GRIK4: variants seen among roughly 807,000 people sequenced by gnomAD.
GRIK4 encodes the protein glutamate ionotropic receptor kainate type subunit 4, also known as glutamate receptor ionotropic, kainate 4.
In GRIK4, 40 loss-of-function variants were observed where a neutral mutation model predicts 104.9. That is an observed-to-expected ratio of 0.38 (90% CI 0.30 to 0.50). The LOEUF (loss-of-function observed/expected upper bound fraction) is 0.50. GRIK4 is among the 20% of genes least tolerant of loss of function. GRIK4 has a pLI of 0.93. For missense variants in GRIK4, 1,047 were observed against 1,308.1 expected, an observed-to-expected ratio of 0.80 and a Z score of 3.08; for synonymous variants, 485 against 524.9, an observed-to-expected ratio of 0.92 and a Z score of 1.04.
rs76880801 is a variant in GRIK4 at position 120,758,406 on chromosome 11, G to A, written c.83-44287G>A. 8.6e-3 allele frequency among the ~76,000 whole-genome samples: 1,305 copies of A among 152,096 alleles called. 23 individuals carry two copies. The highest frequency in any genetic ancestry group is 0.029 in the African/African-American group (1,223 of 41,466). On this transcript the variant is annotated intron_variant, in intron 3 of 20. Coordinates refer to ENST00000527524, the MANE Select transcript of GRIK4 (RefSeq NM_014619.5). ...TCTTTTTTTCCAGCTCTAGAGTCTC[G>A]TAAGATGCTACTTGGTTTAGAGAAA...
intron 8 of GRIK4, among the ~76,000 whole-genome samples, chr11:120,853,944 G>T (rs1029477262): frequency 3.9e-5 from 6 of 152,278 alleles, no homozygotes; most frequent in African/African-American, 1.4e-4. Context: ...CCAAGGACCT[G>T]GATCTTAATT....
intron 3 of GRIK4, among the ~76,000 whole-genome samples, chr11:120,689,387 T>C (rs1950322095): frequency 6.6e-6 from 1 of 152,086 alleles, no homozygotes; most frequent in South Asian, 2.1e-4. Flanking sequence ...AGGAATTTCT[T>C]AGGGTTTCTC....
intron 1 of GRIK4, among the ~76,000 whole-genome samples, chr11:120,617,572 G>C (rs1170211662): frequency 4.6e-5 from 7 of 152,088 alleles, no homozygotes; most frequent in Non-Finnish European, 1.0e-4. Flanking sequence ...TACAGACAGT[G>C]ATATCATTTG....
chr11:120,703,522 C>T (rs1950584615), intron 3 of GRIK4, among the ~76,000 whole-genome samples: 1 of 151,856 alleles, frequency 6.6e-6, no homozygotes, highest in Non-Finnish European at 1.5e-5. Flanking sequence ...CAGCCCAACC[C>T]AGGCTGTAAG....
intron 14 of GRIK4, among the ~76,000 whole-genome samples, chr11:120,947,796 TC>T (rs1464397721): frequency 6.6e-6 from 1 of 152,144 alleles, no homozygotes; most frequent in African/African-American, 2.4e-5. Context: ...GGTGCTCCTT[TC>T]TATGGGGGAA....
At chr11:120,611,293 T>G (rs933715227) in intron 1 of GRIK4, among the ~76,000 whole-genome samples, 2 of 152,188 alleles carry the variant, frequency 1.3e-5, no homozygotes, top group East Asian at 3.8e-4. Flanking sequence ...TGTGAGAAAG[T>G]GGTTTCATCT....
At chr11:120,511,940 C>A in intron 1 of GRIK4, 53 bp downstream of exon 1, 1 of 153,798 alleles carries the variant, frequency 6.5e-6, no homozygotes, top group South Asian at 1.8e-4. Context: ...GCGCTGCCCC[C>A]GCGCCCCCGA....
At chr11:120,603,728 C>G (rs1429655545) in intron 1 of GRIK4, among the ~76,000 whole-genome samples, 2 of 152,130 alleles carry the variant, frequency 1.3e-5, no homozygotes, top group Non-Finnish European at 2.9e-5. Flanking sequence ...GGCTTAACTC[C>G]TTGGTTTTCA....
intron 1 of GRIK4, among the ~76,000 whole-genome samples, chr11:120,633,124 A>G (rs2135186156): frequency 6.6e-6 from 1 of 152,236 alleles, no homozygotes; most frequent in Middle Eastern, 3.4e-3. Flanking sequence ...CGCCATGCAG[A>G]AGAGTAGAGT....
intron 3 of GRIK4, among the ~76,000 whole-genome samples, chr11:120,759,629 G>T (rs1185466928): frequency 6.6e-6 from 1 of 152,028 alleles, no homozygotes; most frequent in Non-Finnish European, 1.5e-5. Context: ...ATGGGGGAAT[G>T]CCTGGCTCTG....
At chr11:120,786,376 C>T (rs535729966) in intron 3 of GRIK4, among the ~76,000 whole-genome samples, 3 of 152,378 alleles carry the variant, frequency 2.0e-5, no homozygotes, top group South Asian at 4.1e-4. Flanking sequence ...CTGGTATCCA[C>T]ATATTCCACA....
Position 120,905,532 on chromosome 11 carries a change from TGGGA to T in GRIK4, c.1476+44_1476+47del. ...AAGTGATCTGGGCCTGAGGGTGGGC[TGGGA>T]GGGATTGGAAGAGCATGAGGTTGTG... On this transcript the variant is annotated intron_variant, in intron 13 of 20. Transcript: ENST00000527524. This position sits in a 1 kb window ranked among gnomAD's most constrained non-coding sequence, Gnocchi z 5.1. 1 of 408,180 alleles carries T rather than the reference TGGGA, an allele frequency of 2.4e-6. No homozygotes were observed. The highest frequency in any genetic ancestry group is 4.9e-6 in the Non-Finnish European group (1 of 202,796). 25.3% of individuals were successfully genotyped at this position (408,180 alleles called of 1,614,324 possible). A position where few individuals can be genotyped will look rare whatever the true frequency, so the allele number is the denominator to read the frequency against.
chr11:120,935,505 G>A (rs1483442855), intron 13 of GRIK4, among the ~76,000 whole-genome samples: 5 of 152,204 alleles, frequency 3.3e-5, no homozygotes, highest in South Asian at 2.1e-4. Context: ...AGCCAAGATC[G>A]CACCACTGCA....
At chr11:120,604,909 C>A (rs1039238245) in intron 1 of GRIK4, among the ~76,000 whole-genome samples, 8 of 152,166 alleles carry the variant, frequency 5.3e-5, no homozygotes, top group Non-Finnish European at 1.0e-4. Context: ...GTTGCCCAGG[C>A]CAGAGTGCAG....
chr11:120,700,506 T>C (rs1442180899), intron 3 of GRIK4, among the ~76,000 whole-genome samples: 1 of 152,072 alleles, frequency 6.6e-6, no homozygotes, highest in African/African-American at 2.4e-5. Flanking sequence ...TTGCCCAGGC[T>C]GGGGTGCAGT....
chr11:120,871,443 AAG>A, intron 9 of GRIK4: 1 of 366,694 alleles, frequency 2.7e-6, no homozygotes, highest in Non-Finnish European at 5.4e-6. Context: ...GGAAGCAGAG[AAG>A]AGAGAGTAGA....
At chr11:120,898,473 G>A (rs1942644001) in intron 11 of GRIK4, 59 bp from the exon 12 acceptor site, 1 of 960,582 alleles carries the variant, frequency 1.0e-6, no homozygotes, top group African/African-American at 1.6e-5. Context: ...CAGCCTCTTG[G>A]CTCCTTCCAG....
At chr11:120,808,560 C>T (rs1479964810) in intron 4 of GRIK4, among the ~76,000 whole-genome samples, 2 of 152,136 alleles carry the variant, frequency 1.3e-5, no homozygotes, top group African/African-American at 2.4e-5. Flanking sequence ...CACCAGGGGG[C>T]CCGTCATGGG....
At chr11:120,526,414 G>A (rs35400914) in intron 1 of GRIK4, among the ~76,000 whole-genome samples, 2,869 of 152,240 alleles carry the variant, frequency 0.019, 35 homozygotes, top group Middle Eastern at 0.031. Flanking sequence ...TGTTGCCCCG[G>A]CTTGAACTTC....
Sources: gnomAD v4.1 joint callset for allele counts (sites outside exome capture counted in the v4.1 genomes callset) on GRCh38, gnomAD v4.1.1 for gene constraint, Gnocchi (gnomAD v3.1) non-coding constraint, MANE v1.5 for transcripts, NCBI Gene and HGNC (gene_info 2026-07-23, HGNC 2026-07-21) for gene names.